The following STIM2 variants were observed in gnomAD, a reference collection of about 807,000 sequenced individuals.
STIM2 encodes the protein stromal interaction molecule 2.
Under a neutral mutation model 85.8 loss-of-function variants are expected in STIM2, and 31 were observed. The observed-to-expected ratio is 0.36, with a 90% confidence interval of 0.27 to 0.49. The LOEUF is 0.49. Ranked by LOEUF, STIM2 falls within the 20% of genes least tolerant of loss-of-function variation. The pLI is 0.98. For synonymous variants in STIM2, 356 were observed against 331.1 expected, an observed-to-expected ratio of 1.08 and a Z score of -0.82; for missense variants, 841 against 927.6, an observed-to-expected ratio of 0.91 and a Z score of 1.21.
At chr4:26,963,953 C>G (rs915951499) in intron 3 of STIM2, among the ~76,000 whole-genome samples, 1 of 152,266 alleles carries the variant, frequency 6.6e-6, no homozygotes, top group East Asian at 1.9e-4. Context: ...CATCTCATGT[C>G]TTAGTTCTGT....
At chr4:26,914,326 C>T (rs1210120869) in intron 1 of STIM2, among the ~76,000 whole-genome samples, 2 of 152,136 alleles carry the variant, frequency 1.3e-5, no homozygotes, top group African/African-American at 4.8e-5. Context: ...TAGTTATTAT[C>T]ACCCTTTTGT....
At chr4:26,990,182 A>G (rs1158072697) in intron 3 of STIM2, among the ~76,000 whole-genome samples, 1 of 152,196 alleles carries the variant, frequency 6.6e-6, no homozygotes, top group East Asian at 1.9e-4. Context: ...TGCTGGAGAT[A>G]TCACACTACC....
chr4:26,861,287 C>T lies in STIM2; in HGVS notation c.69C>T (p.Arg23=), dbSNP rs1485203529. Residue 23 remains arginine (R), a synonymous_variant, in exon 1 of 12, where the codon CGC becomes CGT. Transcript: ENST00000467087. ...GCGAGCTTGTGCCCCGGCACCTCCGCGGGCGGCGGGCGACTGGCTCTGCCG... is the reference window on the plus strand; with the variant it reads ...GCGAGCTTGTGCCCCGGCACCTCCGTGGGCGGCGGGCGACTGGCTCTGCCG... The T allele has an allele frequency of 2.8e-6, 4 of 1,450,662 alleles. No homozygotes were observed. The highest frequency in any genetic ancestry group is 3.6e-6 in the Non-Finnish European group (4 of 1,105,438). 89.9% of individuals were successfully genotyped at this position (1,450,662 alleles called of 1,614,324 possible). A position where few individuals can be genotyped will look rare whatever the true frequency, so the allele number is the denominator to read the frequency against.
intron 1 of STIM2, among the ~76,000 whole-genome samples, chr4:26,915,376 A>C (rs971993530): frequency 6.6e-6 from 1 of 152,176 alleles, no homozygotes; most frequent in African/African-American, 2.4e-5. Flanking sequence ...CTGGGACTAC[A>C]GGAGCATGCC....
chr4:26,890,299 A>G (rs1010423841), intron 1 of STIM2, among the ~76,000 whole-genome samples: 1 of 152,156 alleles, frequency 6.6e-6, no homozygotes, highest in African/African-American at 2.4e-5. Flanking sequence ...GACCGTGGGC[A>G]TTTGTACAAC....
chr4:26,975,575 G>A (rs1727153011), intron 3 of STIM2, among the ~76,000 whole-genome samples: 3 of 152,162 alleles, frequency 2.0e-5, no homozygotes, highest in Admixed American at 2.0e-4. Flanking sequence ...CTGCAGAACA[G>A]CAAATATTGC....
intron 3 of STIM2, among the ~76,000 whole-genome samples, chr4:26,988,389 G>A (rs996166502): frequency 5.9e-5 from 9 of 152,202 alleles, no homozygotes; most frequent in African/African-American, 2.2e-4. Context: ...AGAAGAGCGA[G>A]CCTGGCAAAG....
At chr4:26,873,668 C>A in intron 1 of STIM2, 1 of 704,124 alleles carries the variant, frequency 1.4e-6, no homozygotes, top group South Asian at 1.4e-5. Flanking sequence ...CTCATGTCAC[C>A]ACTCTCTTCT....
chr4:26,971,715 T>A (rs1378542362), intron 3 of STIM2, among the ~76,000 whole-genome samples: 2 of 152,246 alleles, frequency 1.3e-5, no homozygotes, highest in African/African-American at 4.8e-5. Flanking sequence ...TAGGATTGTC[T>A]TGGCAATGTG....
intron 2 of STIM2, among the ~76,000 whole-genome samples, chr4:26,934,125 C>T (rs140441385): frequency 7.4e-4 from 113 of 151,940 alleles, no homozygotes; most frequent in Non-Finnish European, 1.4e-3. Context: ...ACCCAGGAGG[C>T]GGAGTTTGCA....
intron 10 of STIM2, among the ~76,000 whole-genome samples, chr4:27,013,064 G>C (rs1728610236): frequency 6.6e-6 from 1 of 151,804 alleles, no homozygotes; most frequent in Non-Finnish European, 1.5e-5. Flanking sequence ...TCACACATTG[G>C]ATTAGCCAGT....
chr4:26,927,535 T>A (rs1724992946), intron 2 of STIM2, among the ~76,000 whole-genome samples: 2 of 50,612 alleles, frequency 4.0e-5, no homozygotes, highest in Non-Finnish European at 7.6e-5. Context: ...TGTGGTGGGG[T>A]CGGGGGAGGG....
intron 3 of STIM2, among the ~76,000 whole-genome samples, chr4:26,977,720 A>G (rs1727248060): frequency 6.6e-6 from 1 of 152,158 alleles, no homozygotes; most frequent in Non-Finnish European, 1.5e-5. Flanking sequence ...AATAGGAGTA[A>G]TTAGGAAAAA....
intron 2 of STIM2, among the ~76,000 whole-genome samples, chr4:26,955,632 A>G (rs1726214855): frequency 6.7e-6 from 1 of 148,360 alleles, no homozygotes; most frequent in South Asian, 2.1e-4. Context: ...TTAAGGCAGC[A>G]TTTAGTAAAA....
At chr4:26,898,151 A>G (rs13108758) in intron 1 of STIM2, among the ~76,000 whole-genome samples, 3,721 of 152,332 alleles carry the variant, frequency 0.024, 60 homozygotes, top group Non-Finnish European at 0.039. Flanking sequence ...CTTTTCAGAC[A>G]GCACTTCTTT....
intron 3 of STIM2, among the ~76,000 whole-genome samples, chr4:26,969,662 G>A (rs139038363): frequency 7.9e-5 from 12 of 152,156 alleles, no homozygotes; most frequent in African/African-American, 2.7e-4. Flanking sequence ...GCATGAATCT[G>A]TTGATGACCT....
chr4:26,936,203 A>G (rs1256990621), intron 2 of STIM2, among the ~76,000 whole-genome samples: 1 of 152,190 alleles, frequency 6.6e-6, no homozygotes, highest in East Asian at 1.9e-4. Flanking sequence ...TGAAACTTCT[A>G]CCTGGTCCCA....
At chr4:27,010,870 G>A (rs1005889951) in intron 10 of STIM2, among the ~76,000 whole-genome samples, 1 of 151,422 alleles carries the variant, frequency 6.6e-6, no homozygotes, top group East Asian at 2.0e-4. Flanking sequence ...TAGGGGAATG[G>A]GTGTTGTTTT....
intron 1 of STIM2, among the ~76,000 whole-genome samples, chr4:26,890,642 T>G (rs6825446): frequency 0.6 from 90,093 of 151,346 alleles, 27,413 homozygotes; most frequent in East Asian, 0.81. Flanking sequence ...AGCTAAAACG[T>G]TGAAACCCCG....
Sources: allele counts gnomAD v4.1 joint callset (sites outside exome capture counted in the v4.1 genomes callset), GRCh38; gene constraint gnomAD v4.1.1; transcripts MANE v1.5; gene names NCBI Gene and HGNC (gene_info 2026-07-23, HGNC 2026-07-21).